Variants in PTPRD observed in about 807,000 individuals in gnomAD.
The protein encoded by PTPRD is protein tyrosine phosphatase receptor type D, also known as receptor-type tyrosine-protein phosphatase delta.
In PTPRD, 34 loss-of-function variants were observed where a neutral mutation model predicts 214.5. The ratio of observed to expected loss-of-function variants is 0.16; its 90% CI spans 0.12 to 0.21. The LOEUF (loss-of-function observed/expected upper bound fraction) is 0.21, where lower values mean the gene tolerates loss of function less well. PTPRD is among the 10% of genes least tolerant of loss of function. PTPRD has a pLI of 1.00. For synonymous variants in PTPRD, 1,128 were observed against 845.7 expected (o/e 1.33, Z -5.79); for missense variants, 2,545 against 2,398.7 (o/e 1.06, Z -1.27).
chr9:10,527,787 T>A (rs2054762011), intron 2 of PTPRD, among the ~76,000 whole-genome samples: 1 of 152,102 alleles, frequency 6.6e-6, no homozygotes. Context: ...GCAGATGGGA[T>A]TTTTCTTTAG....
chr9:10,409,310 T>C (rs1319407713), intron 2 of PTPRD, among the ~76,000 whole-genome samples: 2 of 151,752 alleles, frequency 1.3e-5, no homozygotes, highest in Non-Finnish European at 2.9e-5. Flanking sequence ...CTAAAATTTA[T>C]AAAGTTGTGT....
rs2096016212 is a variant in PTPRD, at chr9:8,787,161, G to A, written c.-103-53215C>T. 2.0e-5 allele frequency among the ~76,000 whole-genome samples: 3 copies of A among 152,216 alleles called. No individual in the cohort carries two copies. The South Asian group carries it at 6.2e-4, about 32-fold the overall frequency. On this transcript the variant is annotated intron_variant, in intron 11 of 45. Transcript: ENST00000381196. ...TGAGAAAACTATATTAAACAGCCCA[G>A]AACTTACACATTCCTATTGCTATTG...
At chr9:10,024,880 G>T (rs1424696468) in intron 4 of PTPRD, among the ~76,000 whole-genome samples, 1 of 149,048 alleles carries the variant, frequency 6.7e-6, no homozygotes, top group African/African-American at 2.5e-5. Flanking sequence ...AACATGCGGT[G>T]TTTGGTTTTC....
intron 5 of PTPRD, among the ~76,000 whole-genome samples, chr9:9,864,068 G>A (rs1171091172): frequency 6.6e-6 from 1 of 152,202 alleles, no homozygotes; most frequent in Non-Finnish European, 1.5e-5. Flanking sequence ...ACTTTAGGAG[G>A]CCGAAGTGGG....
chr9:9,631,100 A>G (rs2095575327), intron 7 of PTPRD, among the ~76,000 whole-genome samples: 1 of 152,100 alleles, frequency 6.6e-6, no homozygotes, highest in Non-Finnish European at 1.5e-5. Flanking sequence ...TTGTAATCAC[A>G]TAGACAAGGA....
At chr9:10,263,942 A>G (rs1213120722) in intron 3 of PTPRD, among the ~76,000 whole-genome samples, 1 of 152,106 alleles carries the variant, frequency 6.6e-6, no homozygotes, top group Admixed American at 6.5e-5. Flanking sequence ...GGCTCCATCC[A>G]TGGCGAAAAT....
intron 11 of PTPRD, among the ~76,000 whole-genome samples, chr9:8,961,555 T>A (rs753205271): frequency 2.0e-5 from 3 of 152,122 alleles, no homozygotes; most frequent in Non-Finnish European, 2.9e-5. Flanking sequence ...ACCAGGCACA[T>A]GTTTTACATT....
chr9:10,279,708 GA>G lies in PTPRD; in HGVS notation c.-545+61254del, dbSNP rs34503009. Among the ~76,000 whole-genome samples, 738 of 130,942 alleles carry G rather than the reference GA, an allele frequency of 5.6e-3. 5 individuals carry two copies. Among genetic ancestry groups the G allele is most frequent in the East Asian group, 0.015 (72 of 4,648 alleles). 85.9% of individuals were successfully genotyped at this position (130,942 alleles called of 152,430 possible). On this transcript the variant is annotated intron_variant, in intron 3 of 45. Transcript: ENST00000381196. ...GCTTATGAGCATACAGTGCAAAACA[GA>G]AAAAAAAAAAAAAGCCTTTCCTCTG...
intron 7 of PTPRD, among the ~76,000 whole-genome samples, chr9:9,726,310 A>T (rs2098089898): frequency 6.6e-6 from 1 of 152,196 alleles, no homozygotes; most frequent in Non-Finnish European, 1.5e-5. Context: ...TGTCCAAATC[A>T]TACACCTTCC....
intron 9 of PTPRD, among the ~76,000 whole-genome samples, chr9:9,292,853 G>C (rs1951661481): frequency 6.6e-6 from 1 of 151,346 alleles, no homozygotes; most frequent in Non-Finnish European, 1.5e-5. Flanking sequence ...TTTTTTGTTT[G>C]TTTGTTTGTT....
chr9:8,683,396 A>T (rs1016075872), intron 12 of PTPRD, among the ~76,000 whole-genome samples: 4 of 152,136 alleles, frequency 2.6e-5, no homozygotes, highest in African/African-American at 9.6e-5. Flanking sequence ...AAAAAAAAAA[A>T]AAAAAGTGTA....
At chr9:9,843,896 C>G (rs895303856) in intron 5 of PTPRD, among the ~76,000 whole-genome samples, 1 of 151,910 alleles carries the variant, frequency 6.6e-6, no homozygotes, top group South Asian at 2.1e-4. Flanking sequence ...TCGAATAGAC[C>G]ATGACAACAT....
chr9:10,210,221 A>G (rs2099509076), intron 3 of PTPRD, among the ~76,000 whole-genome samples: 1 of 152,192 alleles, frequency 6.6e-6, no homozygotes, highest in Non-Finnish European at 1.5e-5. Flanking sequence ...GAGATTCACC[A>G]ATTACATTTA....
chr9:8,981,167 T>C (rs1209180136), intron 11 of PTPRD, among the ~76,000 whole-genome samples: 3 of 152,058 alleles, frequency 2.0e-5, no homozygotes, highest in African/African-American at 7.2e-5. Context: ...TTATAAAATG[T>C]ATTTTGTTCT....
intron 11 of PTPRD, among the ~76,000 whole-genome samples, chr9:8,855,730 T>C (rs1391045776): frequency 1.3e-5 from 2 of 152,322 alleles, no homozygotes; most frequent in East Asian, 1.9e-4. Flanking sequence ...ACAACTCACA[T>C]TGGAGTCCAT....
At chr9:9,002,886 G>T (rs1213973691) in intron 11 of PTPRD, among the ~76,000 whole-genome samples, 1 of 152,004 alleles carries the variant, frequency 6.6e-6, no homozygotes, top group Non-Finnish European at 1.5e-5. Flanking sequence ...TCCCTCCTTA[G>T]ATTTTACTTT....
At chr9:9,577,434 G>A (rs1239734785) in intron 7 of PTPRD, among the ~76,000 whole-genome samples, 2 of 151,960 alleles carry the variant, frequency 1.3e-5, no homozygotes, top group Non-Finnish European at 2.9e-5. Context: ...GGGTGGTGGT[G>A]TGTGCTTGTA....
At chr9:9,593,459 G>C (rs751922534) in intron 7 of PTPRD, among the ~76,000 whole-genome samples, 1 of 151,892 alleles carries the variant, frequency 6.6e-6, no homozygotes, top group Non-Finnish European at 1.5e-5. Flanking sequence ...TGTTGTTGTT[G>C]CTCGGATTTT....
rs867808878 is a variant in PTPRD at position 9,003,858 on chromosome 9, G to A, written c.-104+14839C>T. Among the ~76,000 whole-genome samples, 9 of 152,140 alleles carry A rather than the reference G, an allele frequency of 5.9e-5. 1 individual carries two copies. The South Asian group carries it at 1.7e-3, about 28-fold the overall frequency. The stretch of plus-strand genomic sequence containing the variant: ...TCGCAATCTGTAAATGCCTGATAAC[G>A]TCACTACACATAGGAACATGACAAT... On this transcript the variant is annotated intron_variant, in intron 11 of 45. Coordinates refer to ENST00000381196, the MANE Select transcript of PTPRD (RefSeq NM_002839.4).
Sources: allele counts gnomAD v4.1 joint callset (sites outside exome capture counted in the v4.1 genomes callset), GRCh38; gene constraint gnomAD v4.1.1; transcripts MANE v1.5; gene names NCBI Gene and HGNC (gene_info 2026-07-23, HGNC 2026-07-21).